DCC: variants seen among roughly 807,000 people sequenced by gnomAD.
DCC encodes the protein netrin receptor DCC.
In DCC, 58 loss-of-function variants were observed where a neutral mutation model predicts 172.5. The observed-to-expected ratio is 0.34, with a 90% CI of 0.27 to 0.42. DCC has a LOEUF of 0.42. Ranked by LOEUF, DCC falls within the 10% of genes least tolerant of loss-of-function variation. DCC has a pLI of 1.00. For missense variants in DCC, 1,740 were observed against 1,791.0 expected, an observed-to-expected ratio of 0.97 and a Z score of 0.51; for synonymous variants, 709 against 644.5, an observed-to-expected ratio of 1.10 and a Z score of -1.52.
rs541322166 is a variant in DCC at position 52,847,395 on chromosome 18, G to A, written c.413-58649G>A. 2.6e-4 allele frequency among the ~76,000 whole-genome samples: 39 copies of A among 152,268 alleles called. 1 individual carries two copies. In the South Asian group the frequency reaches 8.1e-3, roughly 32 times the overall value. The stretch of plus-strand genomic sequence containing the variant: ...TGGATTTTCAGGTGGCTCATGGAGG[G>A]ATGAGTGTGCTTGAACATCACAACA... On this transcript the variant is annotated intron_variant, in intron 2 of 28. Transcript: ENST00000442544.
chr18:52,855,090 G>C (rs2145348518), intron 2 of DCC, among the ~76,000 whole-genome samples: 1 of 152,290 alleles, frequency 6.6e-6, no homozygotes, highest in East Asian at 1.9e-4. Flanking sequence ...TCGGCTTCTT[G>C]TAACACTATA....
chr18:53,010,457 T>G (rs2041711381), intron 5 of DCC, among the ~76,000 whole-genome samples: 2 of 151,704 alleles, frequency 1.3e-5, no homozygotes, highest in South Asian at 4.1e-4. Context: ...TCGAATATTA[T>G]CCATTACTAT....
chr18:52,572,523 T>C (rs2033322990), intron 1 of DCC, among the ~76,000 whole-genome samples: 2 of 152,158 alleles, frequency 1.3e-5, no homozygotes, highest in Non-Finnish European at 2.9e-5. Context: ...GGACATAGTG[T>C]GTCAGAGCTT....
At chr18:52,999,200 AT>A (rs750451167) in intron 5 of DCC, among the ~76,000 whole-genome samples, 1,660 of 149,968 alleles carry the variant, frequency 0.011, 30 homozygotes, top group African/African-American at 0.029. Flanking sequence ...GGGCAACAAC[AT>A]TTTTTTTTTG....
intron 2 of DCC, among the ~76,000 whole-genome samples, chr18:52,784,842 G>A (rs2037623342): frequency 6.6e-6 from 1 of 151,358 alleles, no homozygotes; most frequent in South Asian, 2.1e-4. Flanking sequence ...ACATGTGAGT[G>A]GGTTAAGAAG....
chr18:53,378,044 T>C (rs1553521), intron 15 of DCC, among the ~76,000 whole-genome samples: 108,258 of 151,982 alleles, frequency 0.71, 38,855 homozygotes, highest in Non-Finnish European at 0.75. Context: ...TCACTGCAAC[T>C]TCTGCGTCCT....
At chr18:53,013,894 G>A (rs2041767892) in intron 5 of DCC, among the ~76,000 whole-genome samples, 1 of 152,122 alleles carries the variant, frequency 6.6e-6, no homozygotes, top group Non-Finnish European at 1.5e-5. Context: ...TGTATTTGAA[G>A]ACTGGTGAAA....
At chr18:52,513,143 G>A (rs910070880) in intron 1 of DCC, among the ~76,000 whole-genome samples, 4 of 152,172 alleles carry the variant, frequency 2.6e-5, no homozygotes, top group Admixed American at 2.6e-4. Context: ...GTTCTCCTAG[G>A]AAGAAATGAT....
chr18:53,475,904 C>T (rs1283333924), intron 25 of DCC, among the ~76,000 whole-genome samples: 1 of 152,112 alleles, frequency 6.6e-6, no homozygotes, highest in Admixed American at 6.6e-5. Context: ...GGAGGATGTA[C>T]CCTGCAGAGC....
At chr18:52,406,915 G>A (rs1986674361) in intron 1 of DCC, among the ~76,000 whole-genome samples, 1 of 151,918 alleles carries the variant, frequency 6.6e-6, no homozygotes, top group Admixed American at 6.6e-5. Context: ...GTATCTGTGT[G>A]GTTGCATTCT....
chr18:53,300,757 G>A (rs2057123769), intron 12 of DCC, among the ~76,000 whole-genome samples: 1 of 152,074 alleles, frequency 6.6e-6, no homozygotes, highest in Admixed American at 6.5e-5. Context: ...AAGTTACTCA[G>A]CAAGTAAATG....
At chr18:52,947,586 G>T (rs1489619682) in intron 5 of DCC, among the ~76,000 whole-genome samples, 1 of 152,150 alleles carries the variant, frequency 6.6e-6, no homozygotes, top group Non-Finnish European at 1.5e-5. Context: ...ACTGCCTCTT[G>T]GGTCAGTCAG....
At chr18:53,003,010 A>G (rs927608035) in intron 5 of DCC, among the ~76,000 whole-genome samples, 33 of 152,142 alleles carry the variant, frequency 2.2e-4, no homozygotes, top group African/African-American at 7.2e-4. Flanking sequence ...TACCCTTAGG[A>G]CATATATTTT....
chr18:53,047,264 AT>A (rs1388023421), intron 5 of DCC, among the ~76,000 whole-genome samples: 5 of 16,950 alleles, frequency 2.9e-4, no homozygotes, highest in African/African-American at 1.0e-3. Flanking sequence ...ATATATATAT[AT>A]ATATATATAT....
At chr18:53,051,221 T>C (rs1272445869) in intron 5 of DCC, among the ~76,000 whole-genome samples, 1 of 152,036 alleles carries the variant, frequency 6.6e-6, no homozygotes, top group Non-Finnish European at 1.5e-5. Flanking sequence ...TGGAGAGACA[T>C]TGTGTCTAAA....
intron 14 of DCC, among the ~76,000 whole-genome samples, chr18:53,326,694 C>T (rs954529170): frequency 2.0e-5 from 3 of 152,114 alleles, no homozygotes; most frequent in African/African-American, 7.2e-5. Context: ...GTATAAATGA[C>T]TTGCACCAAA....
At chr18:53,355,672 T>G (rs2057869951) in intron 15 of DCC, among the ~76,000 whole-genome samples, 1 of 152,186 alleles carries the variant, frequency 6.6e-6, no homozygotes, top group African/African-American at 2.4e-5. Flanking sequence ...GATTTGGGGC[T>G]GAGACAATGG....
At position 53,402,796 on chromosome 18, in the gene DCC, T is replaced by C; in HGVS notation, c.2838T>C (p.Ser946=). 6.2e-6 allele frequency: 10 copies of C among 1,613,584 alleles called. No homozygotes were observed. The highest frequency in any genetic ancestry group is 8.5e-6 in the Non-Finnish European group (10 of 1,179,510). Residue 946 remains serine (S), a synonymous_variant, in exon 19 of 29, where the codon TCT becomes TCC. Coordinates refer to ENST00000442544, the MANE Select transcript of DCC (RefSeq NM_005215.4). ...HATTYEAAPT[S]APKDLTVITR... The stretch of plus-strand genomic sequence containing the variant: ...TGTCTCACCTCACAGCCCCCACCTC[T>C]GCTCCCAAGGACTTGACAGTCATTA...
chr18:53,445,401 G>C lies in DCC; in HGVS notation c.3230-5099G>C, dbSNP rs546681755. On this transcript the variant is annotated intron_variant, in intron 22 of 28. Transcript: ENST00000442544. ...TCTTTCCTTCCTCGGAAGTGAACTT[G>C]TCATTCTTACATTCACATTGTTTGC... Among the ~76,000 whole-genome samples, 98 of 152,304 alleles carry C rather than the reference G, an allele frequency of 6.4e-4. 4 individuals carry two copies. The South Asian group carries it at 0.02, about 31-fold the overall frequency.
Sources: gnomAD v4.1 joint callset for allele counts (sites outside exome capture counted in the v4.1 genomes callset) on GRCh38, gnomAD v4.1.1 for gene constraint, MANE v1.5 for transcripts, NCBI Gene and HGNC (gene_info 2026-07-23, HGNC 2026-07-21) for gene names.